MAG: variants seen among roughly 807,000 people sequenced by gnomAD.
MAG encodes the protein myelin-associated glycoprotein.
MAG carries 30 observed loss-of-function variants against 60.7 expected under a neutral mutation model. The observed-to-expected ratio is 0.49, with a 90% CI of 0.37 to 0.67. MAG has a LOEUF of 0.67. Ranked by LOEUF, MAG falls within the 30% of genes least tolerant of loss-of-function variation. MAG has a pLI of 0.00. For missense variants in MAG, 795 were observed against 851.7 expected, an observed-to-expected ratio of 0.93 and a Z score of 0.83; for synonymous variants, 384 against 376.8, an observed-to-expected ratio of 1.02 and a Z score of -0.22.
In MAG at chr19:35,302,650, G is replaced by A. The variant is rs1465986071; in HGVS notation, c.1173G>A (p.Trp391Ter). 1 of 1,614,078 alleles carries A rather than the reference G, an allele frequency of 6.2e-7. No homozygotes were observed. Among genetic ancestry groups the A allele is most frequent in the Non-Finnish European group, 8.5e-7 (1 of 1,180,054 alleles). ...CACCCGAGGATGATGGAGAGTACTG[G>A]TGTGTGGCTGAGAACCAGTATGGCC... is the stretch of plus-strand genomic sequence containing the variant. ...AVSPEDDGEYWCVAENQYGQR... is the reference protein window; with the variant it reads ...AVSPEDDGEY The change falls in exon 7 of 11, where the codon TGG becomes TGA. Residue 391 changes from tryptophan (W) to a stop codon, truncating the protein, a stop_gained. Transcript: ENST00000392213. LOFTEE classifies it high-confidence loss of function.
Position 35,300,258 on chromosome 19 carries a change from G to A in MAG, c.824G>A (p.Arg275Gln), listed in dbSNP as rs950093849. 6.3e-7 allele frequency: 1 copy of A among 1,596,152 alleles called. No homozygotes were observed. Among genetic ancestry groups the A allele is most frequent in the East Asian group, 2.2e-5 (1 of 44,484 alleles). Residue 275 changes from arginine to glutamine, a missense_variant, in exon 6 of 11, where the codon CGG becomes CAG. Coordinates refer to ENST00000392213, the MANE Select transcript of MAG (RefSeq NM_002361.4). ...CCCCCGCCGCTGCTGACCTGGATGC[G>A]GGACGGGACAGTCCTCCGGGAGGCG... ...SNPPPLLTWM[R>Q]DGTVLREAVA...
At chr19:35,306,206 C>A (rs905737816) in intron 7 of MAG, among the ~76,000 whole-genome samples, 18 of 150,706 alleles carry the variant, frequency 1.2e-4, no homozygotes, top group Non-Finnish European at 2.1e-4. Context: ...CCCACCCCCC[C>A]ACTCCCCCAC....
intron 7 of MAG, among the ~76,000 whole-genome samples, chr19:35,306,780 G>C (rs925968651): frequency 6.6e-6 from 1 of 152,200 alleles, no homozygotes; most frequent in Non-Finnish European, 1.5e-5. Flanking sequence ...CCTATCTTCG[G>C]AGTCCCGTAG....
intron 4 of MAG, among the ~76,000 whole-genome samples, chr19:35,298,926 C>T (rs927512141): frequency 6.6e-6 from 1 of 151,424 alleles, no homozygotes; most frequent in African/African-American, 2.4e-5. Flanking sequence ...ACACACACAA[C>T]ACACACTGCA....
chr19:35,311,910 C>T lies in MAG; in HGVS notation c.1617-8C>T. ...GCAGAGAGAGGTCTGACGAGTCCTG[C>T]CCTGCAGAAAGAACGTGACAGAGAG... is the stretch of plus-strand genomic sequence containing the variant. On this transcript the variant is annotated splice_polypyrimidine_tract_variant and splice_region_variant and intron_variant, in intron 9 of 10. Transcript: ENST00000392213. 2 of 1,606,186 alleles carry T rather than the reference C, an allele frequency of 1.2e-6. No individual in the cohort carries two copies. The highest frequency in any genetic ancestry group is 1.1e-5 in the South Asian group (1 of 90,456).
intron 4 of MAG, among the ~76,000 whole-genome samples, chr19:35,296,459 G>T (rs2066398814): frequency 6.6e-6 from 1 of 152,258 alleles, no homozygotes; most frequent in Non-Finnish European, 1.5e-5. Context: ...GGCGGTGGCT[G>T]TCAGGTGTTC....
intron 7 of MAG, among the ~76,000 whole-genome samples, chr19:35,305,076 G>A (rs2285448): frequency 4.6e-5 from 7 of 152,072 alleles, no homozygotes; most frequent in South Asian, 2.1e-4. Flanking sequence ...TCTTGAAAAC[G>A]AACACGCAGG....
At position 35,292,823 on chromosome 19, in the gene MAG, C is replaced by T. The variant is rs115739534; in HGVS notation, c.-80+619C>T. Among the ~76,000 whole-genome samples the T allele has an allele frequency of 5.8e-3, 880 of 151,934 alleles. 11 individuals carry two copies. The highest frequency in any genetic ancestry group is 0.019 in the African/African-American group (803 of 41,398). On this transcript the variant is annotated intron_variant, in intron 1 of 10. Coordinates refer to ENST00000392213, the MANE Select transcript of MAG (RefSeq NM_002361.4). ...CTATATTGCCCAGGCTGGTCTCAAA[C>T]TTCTGGGCACAAGAGATTCTCCCAA...
At chr19:35,298,358 C>T (rs543592891) in intron 4 of MAG, among the ~76,000 whole-genome samples, 2 of 147,188 alleles carry the variant, frequency 1.4e-5, no homozygotes, top group Admixed American at 6.8e-5. Context: ...TACACACTAC[C>T]CACACACCAA....
chr19:35,299,068 T>TAC (rs563888989), intron 4 of MAG, among the ~76,000 whole-genome samples: 12 of 148,784 alleles, frequency 8.1e-5, no homozygotes, highest in African/African-American at 7.4e-5. Context: ...CACACATACC[T>TAC]ACACACACAC....
At chr19:35,297,766 A>G (rs1465956015) in intron 4 of MAG, among the ~76,000 whole-genome samples, 2 of 148,830 alleles carry the variant, frequency 1.3e-5, no homozygotes, top group Non-Finnish European at 3.0e-5. Context: ...CCCTATATAC[A>G]CTGTACACAT....
Position 35,299,593 on chromosome 19 carries a change from G to A in MAG, c.455G>A (p.Gly152Asp), listed in dbSNP as rs750420112. 4.4e-6 allele frequency: 7 copies of A among 1,604,336 alleles called. No individual in the cohort carries two copies. Among genetic ancestry groups the A allele is most frequent in the Non-Finnish European group, 5.1e-6 (6 of 1,173,396 alleles). The part of the protein sequence containing the change: ...NIVVPPEVVA[G>D]TEVEVSCMVP... The stretch of plus-strand genomic sequence containing the variant: ...GTGGTGCCCCCAGAGGTGGTGGCAG[G>A]CACGGAGGTGGAGGTCAGCTGCATG... The change falls in exon 5 of 11, where the codon GGC (glycine) becomes GAC (aspartate). Residue 152 changes from glycine to aspartate, a missense_variant. Transcript: ENST00000392213.
In MAG at chr19:35,299,746, A is replaced by G. The variant is rs2066432388; in HGVS notation, c.608A>G (p.His203Arg). The change falls in exon 5 of 11, where the codon CAC (histidine) becomes CGC (arginine). Residue 203 changes from histidine (H) to arginine (R), a missense_variant. Physicochemically the swap from His to Arg is conservative, Grantham distance 29. Coordinates refer to ENST00000392213, the MANE Select transcript of MAG (RefSeq NM_002361.4). ...EGTWVQVSLL[H>R]FVPTREANGH... ...ACCTGGGTGCAGGTGTCACTGCTGC[A>G]CTTCGTGCCCACGAGGGAGGCCAAC... The G allele has an allele frequency of 6.4e-7, 1 of 1,558,444 alleles. No individual in the cohort carries two copies.
chr19:35,304,604 G>A (rs1322810566), intron 7 of MAG, among the ~76,000 whole-genome samples: 4 of 152,068 alleles, frequency 2.6e-5, no homozygotes, highest in African/African-American at 7.2e-5. Context: ...GCAGTGGCAC[G>A]ATCTTGGCTC....
intron 7 of MAG, among the ~76,000 whole-genome samples, chr19:35,304,369 T>C (rs987898522): frequency 2.0e-5 from 3 of 152,092 alleles, no homozygotes; most frequent in Non-Finnish European, 4.4e-5. Context: ...GAGGAGCCGA[T>C]GGGAGTACTT....
intron 7 of MAG, among the ~76,000 whole-genome samples, chr19:35,303,216 G>A (rs957743585): frequency 3.9e-5 from 6 of 152,156 alleles, no homozygotes; most frequent in African/African-American, 7.2e-5. Flanking sequence ...GAGCCACCAC[G>A]CGCAGCCTGG....
chr19:35,301,892 T>C (rs1221015676), intron 6 of MAG, among the ~76,000 whole-genome samples: 1 of 138,080 alleles, frequency 7.2e-6, no homozygotes, highest in Non-Finnish European at 1.5e-5. Context: ...CATGCAATCT[T>C]CCCCCCGGCA....
At chr19:35,312,397 T>C (rs1054039482) in intron 10 of MAG, 25 of 1,377,208 alleles carry the variant, frequency 1.8e-5, no homozygotes, top group Non-Finnish European at 2.6e-5. Flanking sequence ...TGCATGTCCG[T>C]GTGTCCCTGT....
chr19:35,310,723 T>C (rs1319616303), intron 9 of MAG, 80 bp downstream of exon 9: 3 of 1,251,054 alleles, frequency 2.4e-6, no homozygotes, highest in Non-Finnish European at 3.5e-6. Context: ...CCAGAGTGGG[T>C]GGGGGAAGGC....
Sources: allele counts gnomAD v4.1 joint callset (sites outside exome capture counted in the v4.1 genomes callset), GRCh38; gene constraint gnomAD v4.1.1; transcripts MANE v1.5; gene names NCBI Gene and HGNC (gene_info 2026-07-23, HGNC 2026-07-21).